The following SOS2 variants were observed in gnomAD, a reference collection of about 807,000 sequenced individuals.
SOS2 encodes the protein SOS Ras/Rho guanine nucleotide exchange factor 2.
Under a neutral mutation model 148.2 loss-of-function variants are expected in SOS2, and 65 were observed. That is an observed-to-expected ratio of 0.44 (90% CI 0.36 to 0.54). The LOEUF is 0.54. Among genes scored for constraint, SOS2 ranks in the 20% least tolerant of loss-of-function variants. The pLI is 0.00. For missense variants in SOS2, 1,341 were observed against 1,590.2 expected (o/e 0.84, Z 2.67); for synonymous variants, 539 against 537.1 (o/e 1.00, Z -0.05).
rs1463534431 is a variant in SOS2 at position 50,134,236 on chromosome 14, A to T, written c.2962T>A (p.Phe988Ile). Residue 988 changes from phenylalanine (F) to isoleucine (I), a missense_variant, in exon 19 of 23, where the codon TTC becomes ATC. Phe to Ile is a conservative substitution (Grantham distance 21). Coordinates refer to ENST00000216373, the MANE Select transcript of SOS2 (RefSeq NM_006939.4). ...CCCATGGGGTTAAGGTTTTCAAAGA[A>T]TCTCTGGAATTAAACAAATAACACA... ...CLRIEPDMRRFFENLNPMGSA... is the reference protein window; with the variant it reads ...CLRIEPDMRRIFENLNPMGSA... 1 of 1,423,638 alleles carries T rather than the reference A, an allele frequency of 7.0e-7. No individual in the cohort carries two copies. The highest frequency in any genetic ancestry group is 1.8e-5 in the Admixed American group (1 of 55,842). 88.2% of individuals were successfully genotyped at this position (1,423,638 alleles called of 1,614,324 possible). A position where few individuals can be genotyped will look rare whatever the true frequency, so the allele number is the denominator to read the frequency against.
rs1883838352 is a variant in SOS2 at position 50,130,633 on chromosome 14, T to C, written c.3205A>G (p.Ser1069Gly). The change falls in exon 20 of 23, where the codon AGT (serine) becomes GGT (glycine). Residue 1069 changes from serine (S) to glycine (G), a missense_variant. Physicochemically the swap from Ser to Gly is moderately conservative, Grantham distance 56. Coordinates refer to ENST00000216373, the MANE Select transcript of SOS2 (RefSeq NM_006939.4). Reference sequence around the variant, plus strand: ...TCCAGCTCAGTTTCAGCAATCCGACTAAAGCTTATTTTACATGGTTCTCTT... The same window carrying C: ...TCCAGCTCAGTTTCAGCAATCCGACCAAAGCTTATTTTACATGGTTCTCTT... ...LEREPCKISF[S>G]RIAETELEST... 1 of 1,614,188 alleles carries C rather than the reference T, an allele frequency of 6.2e-7. No individual in the cohort carries two copies. The highest frequency in any genetic ancestry group is 8.5e-7 in the Non-Finnish European group (1 of 1,180,024).
intron 19 of SOS2, among the ~76,000 whole-genome samples, chr14:50,133,723 A>G (rs1195035264): frequency 1.3e-5 from 2 of 152,202 alleles, no homozygotes; most frequent in Non-Finnish European, 2.9e-5. Flanking sequence ...AGTGACAGAG[A>G]TGGGTTCCAG....
intron 12 of SOS2, among the ~76,000 whole-genome samples, chr14:50,154,880 T>A (rs1047420160): frequency 6.6e-6 from 1 of 152,200 alleles, no homozygotes; most frequent in Non-Finnish European, 1.5e-5. Flanking sequence ...TGGAGATACA[T>A]GTATTTGTTA....
At chr14:50,189,162 C>A (rs1234447062) in intron 4 of SOS2, among the ~76,000 whole-genome samples, 5 of 145,772 alleles carry the variant, frequency 3.4e-5, no homozygotes, top group Non-Finnish European at 6.0e-5. Context: ...TATGATAAAA[C>A]CTAGAATAAA....
rs952818917 is a variant in SOS2 at position 50,121,533 on chromosome 14, G to T, written c.3380-1149C>A. ...GCTCTGCAGTTACTTCCTGGGGGAG[G>T]GGGGGGAGTCCTGTTGACTCAGGGG... On this transcript the variant is annotated intron_variant, in intron 21 of 22. Coordinates refer to ENST00000216373, the MANE Select transcript of SOS2 (RefSeq NM_006939.4). 1.2e-3 allele frequency among the ~76,000 whole-genome samples: 180 copies of T among 149,068 alleles called. 14 individuals are homozygous for T. The highest frequency in any genetic ancestry group is 2.9e-3 in the African/African-American group (117 of 40,096).
intron 1 of SOS2, among the ~76,000 whole-genome samples, chr14:50,213,474 T>C (rs1364201753): frequency 6.6e-6 from 1 of 151,964 alleles, no homozygotes; most frequent in African/African-American, 2.4e-5. Flanking sequence ...AAGGTGGGGG[T>C]GGATCACTTG....
intron 19 of SOS2, among the ~76,000 whole-genome samples, chr14:50,133,249 C>CTTTTTTTTTTTTTTTTTTTTTTTTT (rs1175960937): frequency 9.5e-6 from 1 of 105,604 alleles, no homozygotes; most frequent in African/African-American, 3.7e-5. Context: ...TTTCTTTTTT[C>CTTTTTTTTTTTTTTTTTTTTTTTTT]TTTTTTTTTT....
chr14:50,161,839 C>G (rs1386214424), intron 8 of SOS2, among the ~76,000 whole-genome samples: 1 of 146,696 alleles, frequency 6.8e-6, no homozygotes, highest in East Asian at 2.0e-4. Flanking sequence ...TGGCCTTGAG[C>G]TCCTGGGTTC....
intron 5 of SOS2, 121 bp from the exon 6 acceptor site, chr14:50,182,727 C>G (rs1430546283): frequency 1.4e-6 from 1 of 705,756 alleles, no homozygotes; most frequent in Non-Finnish European, 2.3e-6. Flanking sequence ...CCCTGCTCCA[C>G]AAGAAACAGT....
At chr14:50,210,162 G>A (rs1324519972) in intron 1 of SOS2, among the ~76,000 whole-genome samples, 1 of 152,176 alleles carries the variant, frequency 6.6e-6, no homozygotes, top group Non-Finnish European at 1.5e-5. Flanking sequence ...CAAAGCTATA[G>A]TAATGAAGAA....
intron 4 of SOS2, among the ~76,000 whole-genome samples, chr14:50,194,229 A>G (rs903346279): frequency 3.9e-5 from 6 of 152,212 alleles, no homozygotes; most frequent in African/African-American, 1.4e-4. Flanking sequence ...TTCATGCTAC[A>G]AGAGCAGAGA....
At chr14:50,161,236 G>A (rs1343932445) in intron 9 of SOS2, among the ~76,000 whole-genome samples, 2 of 150,450 alleles carry the variant, frequency 1.3e-5, no homozygotes, top group Non-Finnish European at 3.0e-5. Flanking sequence ...AAGGCTGCAG[G>A]TTGCAGTGAG....
At chr14:50,179,449 A>G (rs1416218663) in intron 7 of SOS2, among the ~76,000 whole-genome samples, 1 of 152,032 alleles carries the variant, frequency 6.6e-6, no homozygotes. Context: ...CAGTGGCGTG[A>G]TCATGACTCA....
At chr14:50,192,933 A>G (rs1488484001) in intron 4 of SOS2, among the ~76,000 whole-genome samples, 2 of 152,114 alleles carry the variant, frequency 1.3e-5, no homozygotes, top group Non-Finnish European at 1.5e-5. Flanking sequence ...CTCAACTGCT[A>G]GTATATCTAG....
chr14:50,188,415 T>TA (rs571986276), intron 5 of SOS2, 82 bp downstream of exon 5: 88 of 950,822 alleles, frequency 9.3e-5, no homozygotes, highest in Middle Eastern at 5.7e-4. Context: ...CTCAAAAAAA[T>TA]AAAAAAAAGT....
intron 4 of SOS2, among the ~76,000 whole-genome samples, chr14:50,199,030 G>T (rs1886400598): frequency 6.6e-6 from 1 of 152,170 alleles, no homozygotes; most frequent in Non-Finnish European, 1.5e-5. Flanking sequence ...ATGCACGCCT[G>T]TGGTCCTAGC....
chr14:50,174,274 A>T (rs1319923116), intron 8 of SOS2, among the ~76,000 whole-genome samples, 180 bp downstream of exon 8: 5 of 152,346 alleles, frequency 3.3e-5, no homozygotes, highest in African/African-American at 9.6e-5. Context: ...TTAACTTCAA[A>T]AGTTATTTCC....
intron 21 of SOS2, among the ~76,000 whole-genome samples, chr14:50,121,049 T>C (rs1182391998): frequency 1.3e-5 from 2 of 152,114 alleles, no homozygotes; most frequent in African/African-American, 4.8e-5. Flanking sequence ...GACCGTATAT[T>C]TTTGAAGCAG....
chr14:50,139,330 T>A (rs1417861432), intron 17 of SOS2, among the ~76,000 whole-genome samples: 1 of 152,224 alleles, frequency 6.6e-6, no homozygotes, highest in East Asian at 1.9e-4. Flanking sequence ...TTCATTTAAA[T>A]TGGTGGTTCT....
Sources: allele counts gnomAD v4.1 joint callset (sites outside exome capture counted in the v4.1 genomes callset), GRCh38; gene constraint gnomAD v4.1.1; transcripts MANE v1.5; gene names NCBI Gene and HGNC (gene_info 2026-07-23, HGNC 2026-07-21).